The following LRCH1 variants were observed in gnomAD, a reference collection of about 807,000 sequenced individuals.
LRCH1 encodes leucine rich repeats and calponin homology domain containing 1.
LRCH1 carries 23 observed loss-of-function variants against 94.9 expected under a neutral mutation model. The observed-to-expected ratio is 0.24, with a 90% CI of 0.17 to 0.34. LRCH1 has a LOEUF of 0.34. Among genes scored for constraint, LRCH1 ranks in the 10% least tolerant of loss-of-function variants. LRCH1 has a pLI of 1.00. For missense variants in LRCH1, 790 were observed against 945.9 expected, an observed-to-expected ratio of 0.84 and a Z score of 2.16; for synonymous variants, 364 against 354.9, an observed-to-expected ratio of 1.03 and a Z score of -0.29.
chr13:46,556,794 GGGAGGC>G (rs1403809938), intron 1 of LRCH1, among the ~76,000 whole-genome samples: 1 of 152,136 alleles, frequency 6.6e-6, no homozygotes, highest in Non-Finnish European at 1.5e-5. Context: ...GATAGAATCT[GGGAGGC>G]TTCCTGGAAA....
intron 1 of LRCH1, among the ~76,000 whole-genome samples, chr13:46,603,000 A>ATACATACC: frequency 6.6e-6 from 1 of 151,878 alleles, no homozygotes; most frequent in Admixed American, 6.6e-5. Flanking sequence ...ACATACATAC[A>ATACATACC]TACATGTAAA....
rs761608095 is a variant in LRCH1, at chr13:46,682,779, C to G, written c.685+933C>G. ...GCTCCCAACCATCCAGCATGAATGC[C>G]AAGACCTCAGACAGCCCTGCTTTGC... is the stretch of plus-strand genomic sequence containing the variant. On this transcript the variant is annotated intron_variant, in intron 4 of 19. Transcript: ENST00000389797. 5.1e-4 allele frequency among the ~76,000 whole-genome samples: 77 copies of G among 152,318 alleles called. No homozygotes were observed. The Middle Eastern group carries it at 0.017, about 34-fold the overall frequency.
In LRCH1 at chr13:46,750,962, C is replaced by T. The variant is rs563063996; in HGVS notation, c.*312C>T. On this transcript the variant is annotated 3_prime_UTR_variant, in exon 19 of 19. Transcript: ENST00000311191. ...CTCACCGACTGCCATTACCAAAACG[C>T]CAAGCACAACCGTTTTGCAGCAAGA... 15 of 202,310 alleles carry T rather than the reference C, an allele frequency of 7.4e-5. No homozygotes were observed. In the South Asian group the frequency reaches 2.6e-3, roughly 36 times the overall value. 12.5% of individuals were successfully genotyped at this position (202,310 alleles called of 1,614,324 possible).
chr13:46,748,734 A>G (rs146820861), downstream of LRCH1, among the ~76,000 whole-genome samples: 2 of 152,350 alleles, frequency 1.3e-5, no homozygotes, highest in South Asian at 2.1e-4. Flanking sequence ...CTGATACGCC[A>G]TTGACAAGAT....
chr13:46,636,672 TCTGACA>T (rs2051094711), intron 1 of LRCH1, among the ~76,000 whole-genome samples: 1 of 152,198 alleles, frequency 6.6e-6, no homozygotes, highest in African/African-American at 2.4e-5. Flanking sequence ...ACTTGCTGGA[TCTGACA>T]GTCATTTCTC....
At chr13:46,728,214 GCCTAAGA>G (rs1334195273) in intron 17 of LRCH1, among the ~76,000 whole-genome samples, 1 of 151,032 alleles carries the variant, frequency 6.6e-6, no homozygotes, top group Non-Finnish European at 1.5e-5. Flanking sequence ...ACCACTCCTG[GCCTAAGA>G]GGAAAGCATT....
chr13:46,684,423 GTTT>G (rs2138146973), intron 4 of LRCH1, among the ~76,000 whole-genome samples: 1 of 152,244 alleles, frequency 6.6e-6, no homozygotes, highest in East Asian at 1.9e-4. Flanking sequence ...TTACCTGTAA[GTTT>G]TCTCCTGCTA....
chr13:46,667,796 A>G (rs2051539640), intron 2 of LRCH1, among the ~76,000 whole-genome samples: 1 of 152,248 alleles, frequency 6.6e-6, no homozygotes, highest in South Asian at 2.1e-4. Flanking sequence ...AAGCACTTGT[A>G]GAAAGTTTGG....
At chr13:46,566,141 A>G (rs2050181551) in intron 1 of LRCH1, among the ~76,000 whole-genome samples, 1 of 152,108 alleles carries the variant, frequency 6.6e-6, no homozygotes, top group Non-Finnish European at 1.5e-5. Context: ...AAGCAAACAA[A>G]TAAAAAACCA....
chr13:46,553,602 A>C lies in LRCH1; in HGVS notation c.206A>C (p.Glu69Ala), dbSNP rs2050026420. 2.6e-6 allele frequency: 4 copies of C among 1,563,592 alleles called. No individual in the cohort carries two copies. The highest frequency in any genetic ancestry group is 3.5e-6 in the Non-Finnish European group (4 of 1,155,148). ...CGGGGTCTGGAGCGCGCGCTTGAGGAGGCGGCCAACTCCGGGGGGCTGAAC... is the reference window on the plus strand; with the variant it reads ...CGGGGTCTGGAGCGCGCGCTTGAGGCGGCGGCCAACTCCGGGGGGCTGAAC... ...LNRGLERALE[E>A]AANSGGLNLS... The change falls in exon 1 of 20, where the codon GAG becomes GCG. Residue 69 changes from glutamate (E) to alanine (A), a missense_variant. Around this residue, in one of 3 missense-constraint regions of LRCH1, gnomAD observed 136 missense variants for 143.5 expected, o/e 0.95. Coordinates refer to ENST00000389797, the MANE Select transcript of LRCH1 (RefSeq NM_001164211.2).
At chr13:46,696,609 TA>T (rs1566233254) in intron 9 of LRCH1, among the ~76,000 whole-genome samples, 1 of 152,140 alleles carries the variant, frequency 6.6e-6, no homozygotes, top group Non-Finnish European at 1.5e-5. Flanking sequence ...GAGGAGCAGA[TA>T]GGCGTGTGGA....
chr13:46,658,365 C>A (rs1216861), intron 2 of LRCH1, among the ~76,000 whole-genome samples: 2 of 152,192 alleles, frequency 1.3e-5, no homozygotes, highest in Non-Finnish European at 2.9e-5. Flanking sequence ...ATTTCCCTGT[C>A]CATAGTGCTT....
chr13:46,749,781 A>G (rs1249254437), downstream of LRCH1, among the ~76,000 whole-genome samples: 1 of 152,188 alleles, frequency 6.6e-6, no homozygotes, highest in Non-Finnish European at 1.5e-5. Context: ...TGAAATAACA[A>G]AGGTGGAAAA....
chr13:46,660,963 A>G (rs937408003), intron 2 of LRCH1, among the ~76,000 whole-genome samples: 3 of 152,060 alleles, frequency 2.0e-5, no homozygotes, highest in African/African-American at 7.2e-5. Context: ...GTTTCTGTTC[A>G]TGCTCCTACT....
intron 11 of LRCH1, among the ~76,000 whole-genome samples, chr13:46,702,463 C>T (rs1162144629): frequency 6.6e-6 from 1 of 152,118 alleles, no homozygotes; most frequent in African/African-American, 2.4e-5. Flanking sequence ...GATCGTGCCA[C>T]CACACTCCAG....
At chr13:46,701,021 A>G (rs944015437) in intron 10 of LRCH1, 100 bp from the exon 11 acceptor site, 33 of 739,084 alleles carry the variant, frequency 4.5e-5, no homozygotes, top group Non-Finnish European at 6.6e-5. Flanking sequence ...AATCATTTTC[A>G]TATGTTAGAT....
rs550234782 is a variant in LRCH1, at chr13:46,675,369, T to C, written c.579+6213T>C. ...CAGAGATGTTTTTTTTTCAATTCTG[T>C]CCTCTCTGAAGTCATGCAGTGTGTG... is the stretch of plus-strand genomic sequence containing the variant. On this transcript the variant is annotated intron_variant, in intron 3 of 19. Transcript: ENST00000389797. 4.9e-4 allele frequency among the ~76,000 whole-genome samples: 75 copies of C among 152,252 alleles called. No homozygotes were observed. In the Middle Eastern group the frequency reaches 0.014, roughly 28 times the overall value.
At chr13:46,633,313 A>G (rs1048517885) in intron 1 of LRCH1, among the ~76,000 whole-genome samples, 1 of 152,214 alleles carries the variant, frequency 6.6e-6, no homozygotes, top group Non-Finnish European at 1.5e-5. Flanking sequence ...GTGACCCTAA[A>G]TATAACAAAA....
chr13:46,670,628 A>AT (rs979447384), intron 3 of LRCH1, among the ~76,000 whole-genome samples: 2 of 150,244 alleles, frequency 1.3e-5, no homozygotes, highest in African/African-American at 4.9e-5. Context: ...AAGAAGACAG[A>AT]TATTAATTTG....
Sources: allele counts gnomAD v4.1 joint callset (sites outside exome capture counted in the v4.1 genomes callset), GRCh38; gene constraint gnomAD v4.1.1; regional missense constraint gnomAD v4.1.1; transcripts MANE v1.5; gene names NCBI Gene and HGNC (gene_info 2026-07-23, HGNC 2026-07-21).